The following PPP1R1B variants were observed in gnomAD, a reference collection of about 807,000 sequenced individuals.
The protein encoded by PPP1R1B is protein phosphatase 1 regulatory inhibitor subunit 1B, also known as protein phosphatase 1 regulatory subunit 1B.
PPP1R1B carries 13 observed loss-of-function variants against 28.2 expected under a neutral mutation model. The observed-to-expected ratio is 0.46, with a 90% CI of 0.30 to 0.73. The LOEUF is 0.73. Ranked by LOEUF, PPP1R1B falls within the 30% of genes least tolerant of loss-of-function variation. The pLI is 0.07. For missense variants in PPP1R1B, 236 were observed against 256.7 expected (o/e 0.92, Z 0.55); for synonymous variants, 102 against 97.5 (o/e 1.05, Z -0.27).
Position 39,627,204 on chromosome 17 carries a change from A to T in PPP1R1B, c.-189A>T. 2.1e-6 allele frequency: 1 copy of T among 487,080 alleles called. No homozygotes were observed. The allele number at this position is 487,080 out of a possible 1,614,324, so 30.2% of individuals were successfully genotyped here. A position where few individuals can be genotyped will look rare whatever the true frequency, so the allele number is the denominator to read the frequency against. On this transcript the variant is annotated 5_prime_UTR_variant, in exon 1 of 7. Coordinates refer to ENST00000254079, the MANE Select transcript of PPP1R1B (RefSeq NM_032192.4). The stretch of plus-strand genomic sequence containing the variant: ...GTCCCGAGAGCCTGGGGGCGCGCCC[A>T]GCCCGGGCGCCGACCCTCCTCCCGC...
chr17:39,629,125 G>A (rs557572423), intron 1 of PPP1R1B, 45 bp from the exon 2 acceptor site: 5 of 1,585,460 alleles, frequency 3.2e-6, no homozygotes, highest in South Asian at 2.2e-5. Flanking sequence ...GGGTGGGGGA[G>A]GGCTGCAGGT....
Position 39,635,911 on chromosome 17 carries a change from G to A in PPP1R1B, c.*46G>A, listed in dbSNP as rs761020710. 1 of 1,601,152 alleles carries A rather than the reference G, an allele frequency of 6.2e-7. No homozygotes were observed. Among genetic ancestry groups the A allele is most frequent in the South Asian group, 1.1e-5 (1 of 89,866 alleles). On this transcript the variant is annotated 3_prime_UTR_variant, in exon 7 of 7. Transcript: ENST00000254079. ...AGGAGGAAGTGGAGGGGACATCGCT[G>A]TTCCCCAGAAACCCACTCTATCCTC...
chr17:39,631,663 T>C (rs1265833214), intron 4 of PPP1R1B, among the ~76,000 whole-genome samples: 1 of 152,120 alleles, frequency 6.6e-6, no homozygotes, highest in Non-Finnish European at 1.5e-5. Flanking sequence ...GGTATACCTG[T>C]CAGCCCACTT....
At position 39,635,571 on chromosome 17, in the gene PPP1R1B, G is replaced by C. The variant is rs1309008945; in HGVS notation, c.446-36G>C. 3 of 1,599,754 alleles carry C rather than the reference G, an allele frequency of 1.9e-6. No individual in the cohort carries two copies. The South Asian group carries it at 3.3e-5, about 18-fold the overall frequency. ...TCCAGGACAGCCGGATGGATACGCAGAGCCTGTGTTCTTATCTCTTCTTTC... is the reference window on the plus strand; with the variant it reads ...TCCAGGACAGCCGGATGGATACGCACAGCCTGTGTTCTTATCTCTTCTTTC... On this transcript the variant is annotated intron_variant, in intron 5 of 6. Coordinates refer to ENST00000254079, the MANE Select transcript of PPP1R1B (RefSeq NM_032192.4).
intron 1 of PPP1R1B, among the ~76,000 whole-genome samples, 191 bp downstream of exon 1, chr17:39,627,664 G>A (rs1051647552): frequency 6.6e-6 from 1 of 151,942 alleles, no homozygotes; most frequent in Non-Finnish European, 1.5e-5. Context: ...ACTTTTCCCC[G>A]CGGCTTTGGT....
Position 39,635,719 on chromosome 17 carries a change from A to T in PPP1R1B, c.558A>T (p.Ala186=). The change falls in exon 6 of 7, where the codon GCA becomes GCT. Residue 186 remains alanine, a synonymous_variant. Coordinates refer to ENST00000254079, the MANE Select transcript of PPP1R1B (RefSeq NM_032192.4). The part of the protein sequence containing the change: ...GGSEDQVEDP[A]LSEPGEEPQR... ...CTGAGGACCAAGTGGAAGACCCAGC[A>T]CTAAGTGGTAAGGCTTGGGAGTGTG... The T allele has an allele frequency of 6.2e-7, 1 of 1,614,038 alleles. No homozygotes were observed. Among genetic ancestry groups the T allele is most frequent in the Non-Finnish European group, 8.5e-7 (1 of 1,179,972 alleles).
At chr17:39,629,645 C>T in intron 3 of PPP1R1B, 83 bp downstream of exon 3, 3 of 1,442,594 alleles carry the variant, frequency 2.1e-6, no homozygotes, top group Admixed American at 1.8e-5. Context: ...GACAACCAAC[C>T]AGTATGGGGT....
At chr17:39,628,235 AG>A (rs577505096) in intron 1 of PPP1R1B, among the ~76,000 whole-genome samples, 141 of 149,114 alleles carry the variant, frequency 9.5e-4, no homozygotes, top group African/African-American at 3.4e-3. Context: ...AGCAGTGATG[AG>A]GGGGCCAAGT....
chr17:39,635,691 G>T lies in PPP1R1B; in HGVS notation c.530G>T (p.Gly177Val). The change falls in exon 6 of 7, where the codon GGC (glycine) becomes GTC (valine). Residue 177 changes from glycine to valine, a missense_variant. By Grantham distance (109) the Gly-to-Val change is moderately radical (BLOSUM62 -3). Transcript: ENST00000254079. ...PPLDESERDG[G>V]SEDQVEDPAL... ...CTGGATGAGTCCGAGAGAGATGGAG[G>T]CTCTGAGGACCAAGTGGAAGACCCA... is the stretch of plus-strand genomic sequence containing the variant. 6.2e-7 allele frequency: 1 copy of T among 1,614,102 alleles called. No individual in the cohort carries two copies. The highest frequency in any genetic ancestry group is 8.5e-7 in the Non-Finnish European group (1 of 1,180,020).
At chr17:39,629,398 C>T in intron 2 of PPP1R1B, 142 bp from the exon 3 acceptor site, 2 of 1,294,298 alleles carry the variant, frequency 1.5e-6, no homozygotes, top group South Asian at 1.2e-5. Context: ...CACCTCCCAG[C>T]CGCAGGAGGG....
rs1390759900 is a variant in PPP1R1B, at chr17:39,636,082, C to A, written c.*217C>A. On this transcript the variant is annotated 3_prime_UTR_variant, in exon 7 of 7. Coordinates refer to ENST00000254079, the MANE Select transcript of PPP1R1B (RefSeq NM_032192.4). ...ACTTGCTGCCTGATGCCCACCCCTG[C>A]CAGTCATTCCTCCATTCACCCAGCG... The A allele has an allele frequency of 3.5e-6, 2 of 578,316 alleles. No homozygotes were observed. The highest frequency in any genetic ancestry group is 4.2e-5 in the South Asian group (2 of 47,548). 35.8% of individuals were successfully genotyped at this position (578,316 alleles called of 1,614,324 possible).
At chr17:39,630,172 C>T in intron 4 of PPP1R1B, 125 bp downstream of exon 4, 1 of 914,614 alleles carries the variant, frequency 1.1e-6, no homozygotes. Context: ...CAGCGTGGCG[C>T]AACAACCCAA....
intron 1 of PPP1R1B, 68 bp from the exon 2 acceptor site, chr17:39,629,102 C>T (rs2056857034): frequency 2.7e-6 from 4 of 1,494,258 alleles, no homozygotes; most frequent in Non-Finnish European, 3.7e-6. Flanking sequence ...ACTGTTTGTT[C>T]CCTGCTGCCT....
In PPP1R1B at chr17:39,630,014, A is replaced by T. The variant is rs1159938127; in HGVS notation, c.208A>T (p.Asn70Tyr). Residue 70 changes from asparagine (N) to tyrosine (Y), a missense_variant, in exon 4 of 7, where the codon AAC (asparagine) becomes TAC (tyrosine). Transcript: ENST00000254079. ...GCACCATCTCAAGTCGAAGAGACCC[A>T]ACCCCTGTGCCTACACACCACCTTC... The part of the protein sequence containing the change: ...EGHHLKSKRP[N>Y]PCAYTPPSLK... The T allele has an allele frequency of 6.2e-7, 1 of 1,614,014 alleles. No individual in the cohort carries two copies. Among genetic ancestry groups the T allele is most frequent in the East Asian group, 2.2e-5 (1 of 44,894 alleles).
chr17:39,627,356 G>C lies in PPP1R1B; in HGVS notation c.-37G>C, dbSNP rs1366135757. ...GCACAGACCGCCGCCGGGACCCCGAGTCGCGCACCCCAGCCCCACCGCCCA... is the reference window on the plus strand; with the variant it reads ...GCACAGACCGCCGCCGGGACCCCGACTCGCGCACCCCAGCCCCACCGCCCA... On this transcript the variant is annotated 5_prime_UTR_variant, in exon 1 of 7. Coordinates refer to ENST00000254079, the MANE Select transcript of PPP1R1B (RefSeq NM_032192.4). 3.4e-6 allele frequency: 5 copies of C among 1,489,796 alleles called. No individual in the cohort carries two copies. Among genetic ancestry groups the C allele is most frequent in the Admixed American group, 3.6e-5 (2 of 56,050 alleles). The allele number at this position is 1,489,796 out of a possible 1,614,324, so 92.3% of individuals were successfully genotyped here.
intron 4 of PPP1R1B, among the ~76,000 whole-genome samples, chr17:39,631,826 G>A (rs1465250599): frequency 1.3e-5 from 2 of 152,176 alleles, no homozygotes; most frequent in African/African-American, 4.8e-5. Context: ...ACCTAGAGGG[G>A]TGTGTGGAAG....
chr17:39,627,160 C>G lies in PPP1R1B; in HGVS notation c.-233C>G. 2.1e-6 allele frequency: 1 copy of G among 474,756 alleles called. No homozygotes were observed. The highest frequency in any genetic ancestry group is 3.3e-5 in the South Asian group (1 of 30,130). 29.4% of individuals were successfully genotyped at this position (474,756 alleles called of 1,614,324 possible). ...CGAGGCACAGACCTGGCTCAGCGAGCGCGGGGGGCGAGCCCCGAGTCCCGA... is the reference window on the plus strand; with the variant it reads ...CGAGGCACAGACCTGGCTCAGCGAGGGCGGGGGGCGAGCCCCGAGTCCCGA... On this transcript the variant is annotated 5_prime_UTR_variant, in exon 1 of 7. Transcript: ENST00000254079.
intron 5 of PPP1R1B, among the ~76,000 whole-genome samples, chr17:39,635,040 A>G (rs575952069): frequency 1.3e-5 from 2 of 152,320 alleles, no homozygotes; most frequent in African/African-American, 2.4e-5. Flanking sequence ...TAATAAAAAT[A>G]CAAAAATTAG....
At chr17:39,634,589 C>T (rs1002487758) in intron 5 of PPP1R1B, among the ~76,000 whole-genome samples, 1 of 152,142 alleles carries the variant, frequency 6.6e-6, no homozygotes, top group Non-Finnish European at 1.5e-5. Flanking sequence ...GGAGGGTGCC[C>T]TCTAGTGTTT....
Sources: allele counts gnomAD v4.1 joint callset (sites outside exome capture counted in the v4.1 genomes callset), GRCh38; gene constraint gnomAD v4.1.1; transcripts MANE v1.5; gene names NCBI Gene and HGNC (gene_info 2026-07-23, HGNC 2026-07-21).